Variants in ASPRV1 observed in about 807,000 individuals in gnomAD.
ASPRV1 encodes retroviral-like aspartic protease 1.
A neutral mutation model predicts 11.0 loss-of-function variants in ASPRV1; 7 were observed. The ratio of observed to expected loss-of-function variants is 0.64; its 90% CI spans 0.36 to 1.20. The LOEUF (loss-of-function observed/expected upper bound fraction) is 1.20. ASPRV1 is among the 50% of genes most tolerant of loss of function. The pLI is 0.02. For synonymous variants in ASPRV1, 136 were observed against 138.4 expected, an observed-to-expected ratio of 0.98 and a Z score of 0.12; for missense variants, 299 against 320.0, an observed-to-expected ratio of 0.93 and a Z score of 0.50.
chr2:70,004,661 T>G, the ASPRV1 span, among the ~76,000 whole-genome samples: 1 of 152,274 alleles, frequency 6.6e-6, no homozygotes, highest in East Asian at 1.9e-4. Context: ...GAAACATTCA[T>G]TTTCTTATAT....
chr2:69,950,753 G>C, the ASPRV1 span, among the ~76,000 whole-genome samples: 4 of 151,800 alleles, frequency 2.6e-5, no homozygotes, highest in South Asian at 6.2e-4. Flanking sequence ...TGAGGCTGGA[G>C]AATCACTTGA....
At chr2:70,001,555 C>A in the ASPRV1 span, among the ~76,000 whole-genome samples, 1 of 152,092 alleles carries the variant, frequency 6.6e-6, no homozygotes, top group Non-Finnish European at 1.5e-5. Context: ...GTCAGGAGTT[C>A]AAGACCAGCC....
the ASPRV1 span, among the ~76,000 whole-genome samples, chr2:70,042,437 G>A: frequency 2.0e-5 from 3 of 152,182 alleles, no homozygotes; most frequent in South Asian, 6.2e-4. Flanking sequence ...GGAAAGTGTG[G>A]AAAGTCCCTG....
At chr2:70,066,766 A>G in the ASPRV1 span, among the ~76,000 whole-genome samples, 8 of 151,624 alleles carry the variant, frequency 5.3e-5, no homozygotes, top group Non-Finnish European at 7.4e-5. Context: ...ACACTTGGCT[A>G]ATTTGTTATT....
the ASPRV1 span, among the ~76,000 whole-genome samples, chr2:70,033,936 C>CCT: frequency 5.3e-5 from 8 of 150,370 alleles, no homozygotes; most frequent in East Asian, 4.0e-4. Context: ...GGGCAGATCA[C>CCT]GAGGTCAGGA....
the ASPRV1 span, chr2:69,938,191 C>G: frequency 6.2e-7 from 1 of 1,614,104 alleles, no homozygotes; most frequent in Admixed American, 1.7e-5. Flanking sequence ...AGCGGGGCAG[C>G]ATGCAGAGCC....
At chr2:70,051,827 T>C in the ASPRV1 span, among the ~76,000 whole-genome samples, 54 of 152,126 alleles carry the variant, frequency 3.5e-4, no homozygotes, top group East Asian at 1.9e-3. Context: ...ATTTTAAAAA[T>C]AGCTGGGTGA....
the ASPRV1 span, chr2:69,993,817 C>T: frequency 6.6e-6 from 1 of 152,170 alleles, no homozygotes; most frequent in Non-Finnish European, 1.5e-5. Flanking sequence ...TCCTTACAGC[C>T]TTCACTTTCC....
At chr2:69,984,098 G>A in the ASPRV1 span, among the ~76,000 whole-genome samples, 1 of 151,946 alleles carries the variant, frequency 6.6e-6, no homozygotes, top group Non-Finnish European at 1.5e-5. Context: ...GAGTGCAGTG[G>A]TGCAATCTCA....
chr2:70,044,042 C>T, the ASPRV1 span, among the ~76,000 whole-genome samples: 5 of 152,046 alleles, frequency 3.3e-5, no homozygotes, highest in East Asian at 1.9e-4. Context: ...CCTTCTTGTC[C>T]CTGCAACTAG....
the ASPRV1 span, among the ~76,000 whole-genome samples, chr2:69,948,727 C>A: frequency 1.3e-5 from 2 of 152,132 alleles, no homozygotes; most frequent in Non-Finnish European, 2.9e-5. Flanking sequence ...CCGGGGCCAC[C>A]GGACCCCACG....
chr2:69,964,586 A>G (rs1678272652), upstream of ASPRV1: 1 of 262,692 alleles, frequency 3.8e-6, no homozygotes, highest in Admixed American at 4.9e-5. Context: ...AGGTGCCACT[A>G]CCTCCTCCCA....
At chr2:70,009,491 AGC>A in the ASPRV1 span, among the ~76,000 whole-genome samples, 3 of 151,904 alleles carry the variant, frequency 2.0e-5, no homozygotes, top group African/African-American at 7.3e-5. Flanking sequence ...CACCATGCCC[AGC>A]TAATTTTTGT....
chr2:69,949,815 A>ATTTG, the ASPRV1 span, among the ~76,000 whole-genome samples: 1 of 151,882 alleles, frequency 6.6e-6, no homozygotes, highest in Non-Finnish European at 1.5e-5. Flanking sequence ...ATGCATATGT[A>ATTTG]TTTGTTTGTT....
chr2:70,046,907 C>T, the ASPRV1 span: 3 of 152,074 alleles, frequency 2.0e-5, no homozygotes, highest in Non-Finnish European at 4.4e-5. Flanking sequence ...TTATATTTTG[C>T]TAGGTTTCTT....
the ASPRV1 span, among the ~76,000 whole-genome samples, chr2:69,990,330 C>T: frequency 3.2e-3 from 481 of 152,070 alleles, 2 homozygotes; most frequent in African/African-American, 0.011. Flanking sequence ...ATTACAGGCC[C>T]CCGCCACCAT....
At chr2:70,075,982 C>G in the ASPRV1 span, among the ~76,000 whole-genome samples, 1 of 152,292 alleles carries the variant, frequency 6.6e-6, no homozygotes, top group African/African-American at 2.4e-5. Context: ...CCAAAAAGCA[C>G]TGAGACATAG....
the ASPRV1 span, chr2:70,016,231 G>A: frequency 6.6e-6 from 1 of 152,088 alleles, no homozygotes; most frequent in African/African-American, 2.4e-5. Flanking sequence ...GACCACAATG[G>A]TATGAAACTA....
chr2:70,083,100 T>A, the ASPRV1 span, among the ~76,000 whole-genome samples: 1 of 152,000 alleles, frequency 6.6e-6, no homozygotes, highest in African/African-American at 2.4e-5. Context: ...GTTAGGAACT[T>A]AAGGTAAATG....
Sources: gnomAD v4.1 joint callset for allele counts (sites outside exome capture counted in the v4.1 genomes callset) on GRCh38, gnomAD v4.1.1 for gene constraint, MANE v1.5 for transcripts, NCBI Gene and HGNC (gene_info 2026-07-23, HGNC 2026-07-21) for gene names.